The following TXNDC16 variants were observed in gnomAD, a reference collection of about 807,000 sequenced individuals.
TXNDC16 encodes thioredoxin domain containing 16.
In TXNDC16, 74 loss-of-function variants were observed where a neutral mutation model predicts 85.6. The observed-to-expected ratio is 0.86, with a 90% CI of 0.72 to 1.05. TXNDC16 has a LOEUF of 1.05. Among genes scored for constraint, TXNDC16 ranks in the 50% least tolerant of loss-of-function variants. TXNDC16 has a pLI of 0.00. For synonymous variants in TXNDC16, 335 were observed against 326.5 expected (o/e 1.03, Z -0.28); for missense variants, 959 against 947.0 (o/e 1.01, Z -0.17).
chr14:52,488,086 G>A (rs77656929), intron 12 of TXNDC16, among the ~76,000 whole-genome samples: 13,047 of 152,206 alleles, frequency 0.086, 605 homozygotes, highest in East Asian at 0.14. Context: ...GTCCAGAACG[G>A]CTGAAAGAAC....
At chr14:52,442,156 G>T (rs553859161) in intron 18 of TXNDC16, among the ~76,000 whole-genome samples, 1 of 152,172 alleles carries the variant, frequency 6.6e-6, no homozygotes, top group African/African-American at 2.4e-5. Flanking sequence ...ATTGGAAAGT[G>T]CAACAACAAT....
At chr14:52,480,071 C>T (rs906719962) in intron 14 of TXNDC16, among the ~76,000 whole-genome samples, 3 of 152,018 alleles carry the variant, frequency 2.0e-5, no homozygotes, top group Admixed American at 2.0e-4. Flanking sequence ...GGGGAAAGAC[C>T]TATTCAACAA....
Position 52,537,681 on chromosome 14 carries a change from G to C in TXNDC16, c.244-9C>G, listed in dbSNP as rs2037734543. ...TCTTTGACACAATTAACCTTTAAAA[G>C]AGTATACTTAAGTTTTAGCATATAT... On this transcript the variant is annotated splice_polypyrimidine_tract_variant and intron_variant, in intron 4 of 20. Coordinates refer to ENST00000281741, the MANE Select transcript of TXNDC16 (RefSeq NM_020784.3). 6.6e-7 allele frequency: 1 copy of C among 1,523,554 alleles called. No homozygotes were observed. Among genetic ancestry groups the C allele is most frequent in the Non-Finnish European group, 9.1e-7 (1 of 1,102,208 alleles). The allele number at this position is 1,523,554 out of a possible 1,614,324, so 94.4% of individuals were successfully genotyped here.
intron 14 of TXNDC16, among the ~76,000 whole-genome samples, chr14:52,475,495 G>C (rs1329682689): frequency 2.6e-5 from 4 of 152,148 alleles, no homozygotes; most frequent in Non-Finnish European, 4.4e-5. Context: ...CAGTGGAAGT[G>C]AGACTGGCCC....
chr14:52,438,999 T>C (rs1409539974), intron 20 of TXNDC16, among the ~76,000 whole-genome samples: 1 of 152,174 alleles, frequency 6.6e-6, no homozygotes, highest in Non-Finnish European at 1.5e-5. Flanking sequence ...CTCAATGAAT[T>C]AAAATTCAAG....
At chr14:52,450,516 A>AAAGAAC (rs1395848544) in intron 18 of TXNDC16, among the ~76,000 whole-genome samples, 4 of 151,670 alleles carry the variant, frequency 2.6e-5, no homozygotes, top group Non-Finnish European at 2.9e-5. Flanking sequence ...CTAAACATTT[A>AAAGAAC]AAGAACTAAT....
At chr14:52,541,054 G>A (rs529634929) in intron 4 of TXNDC16, among the ~76,000 whole-genome samples, 55 of 152,116 alleles carry the variant, frequency 3.6e-4, no homozygotes, top group Non-Finnish European at 6.3e-4. Context: ...TGGCCAATAC[G>A]GTGAAACCCC....
intron 6 of TXNDC16, among the ~76,000 whole-genome samples, chr14:52,532,753 A>T (rs994779774): frequency 2.6e-5 from 4 of 152,148 alleles, no homozygotes; most frequent in Admixed American, 1.3e-4. Flanking sequence ...ATCTATTTTT[A>T]TGAGTAGTAT....
At chr14:52,459,428 T>C (rs2035605501) in intron 16 of TXNDC16, among the ~76,000 whole-genome samples, 1 of 152,250 alleles carries the variant, frequency 6.6e-6, no homozygotes, top group South Asian at 2.1e-4. Context: ...GAATCAGTAA[T>C]AAATAGCCTA....
At position 52,514,802 on chromosome 14, in the gene TXNDC16, G is replaced by T. The variant is rs559768040; in HGVS notation, c.605+78C>A. The stretch of plus-strand genomic sequence containing the variant: ...AAGCCCATGCTGTGGGAGCATAATG[G>T]AAATGCTAAGTAATGCGAAATAAGT... On this transcript the variant is annotated intron_variant, in intron 8 of 20. Transcript: ENST00000281741. The T allele has an allele frequency of 3.2e-4, 330 of 1,043,256 alleles. 1 individual carries two copies. The African/African-American group carries it at 5.0e-3, about 16-fold the overall frequency. 64.6% of individuals were successfully genotyped at this position (1,043,256 alleles called of 1,614,324 possible). A position where few individuals can be genotyped will look rare whatever the true frequency, so the allele number is the denominator to read the frequency against.
chr14:52,443,083 GGT>G (rs1336727425), intron 18 of TXNDC16, among the ~76,000 whole-genome samples: 1 of 152,092 alleles, frequency 6.6e-6, no homozygotes, highest in African/African-American at 2.4e-5. Context: ...TGTCTATGAG[GGT>G]GTTGTCAAAG....
chr14:52,549,160 G>T (rs2037996269), intron 1 of TXNDC16, among the ~76,000 whole-genome samples: 1 of 152,204 alleles, frequency 6.6e-6, no homozygotes, highest in Admixed American at 6.5e-5. Context: ...GATCCTTTGG[G>T]CTGCGAGAGG....
chr14:52,493,986 G>A (rs1230893084), intron 9 of TXNDC16, among the ~76,000 whole-genome samples: 3 of 151,784 alleles, frequency 2.0e-5, no homozygotes, highest in African/African-American at 4.8e-5. Flanking sequence ...TCGCCATGTT[G>A]CCCAGGCTGG....
At chr14:52,486,073 G>C (rs886203965) in intron 12 of TXNDC16, among the ~76,000 whole-genome samples, 2 of 151,938 alleles carry the variant, frequency 1.3e-5, no homozygotes, top group Admixed American at 1.3e-4. Flanking sequence ...ACCAAACTTA[G>C]TAAAGACCTA....
At chr14:52,475,526 G>A (rs2036001227) in intron 14 of TXNDC16, among the ~76,000 whole-genome samples, 1 of 152,046 alleles carries the variant, frequency 6.6e-6, no homozygotes, top group South Asian at 2.1e-4. Context: ...GTGGGAGCTG[G>A]GTGAGGCCTG....
chr14:52,455,461 A>C lies in TXNDC16; in HGVS notation c.1705T>G (p.Ser569Ala), dbSNP rs1226514915. ...IYSEEDVLLL[S>A]TKYAASLPAL... Reference sequence around the variant, plus strand: ...GGAAGACTTGCAGCATATTTGGTTGACCTATGGAGAAAGGCAGTATTAAAA... The same window carrying C: ...GGAAGACTTGCAGCATATTTGGTTGCCCTATGGAGAAAGGCAGTATTAAAA... The change falls in exon 18 of 21, where the codon TCA becomes GCA. Residue 569 changes from serine (S) to alanine (A), a missense_variant and splice_region_variant. Physicochemically the swap from Ser to Ala is moderately conservative, Grantham distance 99 (BLOSUM62 1). Transcript: ENST00000281741. The C allele has an allele frequency of 6.2e-6, 10 of 1,613,566 alleles. No individual in the cohort carries two copies. Among genetic ancestry groups the C allele is most frequent in the Non-Finnish European group, 8.5e-6 (10 of 1,179,826 alleles).
chr14:52,445,698 A>T (rs899622225), intron 18 of TXNDC16, among the ~76,000 whole-genome samples: 1 of 152,196 alleles, frequency 6.6e-6, no homozygotes, highest in Non-Finnish European at 1.5e-5. Context: ...TTCTATGTTT[A>T]GATTCACAAA....
intron 1 of TXNDC16, among the ~76,000 whole-genome samples, chr14:52,546,411 G>A (rs1007479418): frequency 6.6e-6 from 1 of 152,200 alleles, no homozygotes; most frequent in African/African-American, 2.4e-5. Flanking sequence ...TATAGTTCTA[G>A]TTCTCCTTGC....
chr14:52,512,984 T>G (rs1485585782), intron 8 of TXNDC16, among the ~76,000 whole-genome samples: 1 of 152,096 alleles, frequency 6.6e-6, no homozygotes, highest in Admixed American at 6.6e-5. Flanking sequence ...AGTAAGCCAG[T>G]GGACTGGCGG....
Sources: gnomAD v4.1 joint callset for allele counts (sites outside exome capture counted in the v4.1 genomes callset) on GRCh38, gnomAD v4.1.1 for gene constraint, MANE v1.5 for transcripts, NCBI Gene and HGNC (gene_info 2026-07-23, HGNC 2026-07-21) for gene names.